TRIP12: variants seen among roughly 807,000 people sequenced by gnomAD.
The protein encoded by TRIP12 is E3 ubiquitin-protein ligase TRIP12.
TRIP12 carries 25 observed loss-of-function variants against 244.2 expected under a neutral mutation model. That is an observed-to-expected ratio of 0.10 (90% CI 0.07 to 0.14). The LOEUF is 0.14. TRIP12 is among the 10% of genes least tolerant of loss of function. The pLI, the probability that TRIP12 is intolerant of heterozygous loss-of-function variation, is 1.00. For missense variants in TRIP12, 1,677 were observed against 2,486.4 expected (o/e 0.67, Z 6.92); for synonymous variants, 905 against 873.1 (o/e 1.04, Z -0.64).
intron 2 of TRIP12, among the ~76,000 whole-genome samples, chr2:229,864,001 TGAAAGAGA>T (rs58030468): frequency 0.04 from 4,535 of 113,030 alleles, 92 homozygotes; most frequent in East Asian, 0.068. Flanking sequence ...AAGATTTGGG[TGAAAGAGA>T]GAGAGAGAGA....
intron 4 of TRIP12, among the ~76,000 whole-genome samples, chr2:229,854,333 T>C (rs1021936599): frequency 2.6e-5 from 4 of 152,250 alleles, no homozygotes; most frequent in East Asian, 1.9e-4. Context: ...CCAAATCTAA[T>C]AGCTACCTTA....
rs2060036668 is a variant in TRIP12 at position 229,858,786 on chromosome 2, T to C, written c.1013A>G (p.Gln338Arg). Reference sequence around the variant, plus strand: ...TGTAAACTTACTTGCTAATTTGGCCTGTAATCCAGAAGGTCCAGGTTTTGA... The same window carrying C: ...TGTAAACTTACTTGCTAATTTGGCCCGTAATCCAGAAGGTCCAGGTTTTGA... Reference protein sequence around the residue: ...ETSKPGPSGLQAKLASLRKST... With the variant: ...ETSKPGPSGLRAKLASLRKST... The change falls in exon 4 of 42, where the codon CAG becomes CGG. Residue 338 changes from glutamine to arginine, a missense_variant. Transcript: ENST00000675903. The C allele has an allele frequency of 4.4e-6, 7 of 1,575,684 alleles. No individual in the cohort carries two copies. The Admixed American group carries it at 7.4e-5, about 17-fold the overall frequency.
intron 1 of TRIP12, among the ~76,000 whole-genome samples, chr2:229,900,318 C>A (rs937476592): frequency 1.3e-5 from 2 of 152,174 alleles, no homozygotes; most frequent in African/African-American, 4.8e-5. Flanking sequence ...TCCTATCTAA[C>A]CTGCTTGAAG....
chr2:229,915,939 C>T (rs1380552263), intron 1 of TRIP12, among the ~76,000 whole-genome samples: 2 of 152,208 alleles, frequency 1.3e-5, no homozygotes, highest in Non-Finnish European at 2.9e-5. Flanking sequence ...AAGTGATCCT[C>T]CTGCCTCAGC....
intron 39 of TRIP12, among the ~76,000 whole-genome samples, chr2:229,770,726 C>T (rs529790778): frequency 2.0e-4 from 30 of 152,248 alleles, no homozygotes; most frequent in Admixed American, 7.8e-4. Flanking sequence ...TGGGAATGAC[C>T]TGGTGGGAGG....
In TRIP12 at chr2:229,794,534, T is replaced by G. The variant is rs183478787; in HGVS notation, c.3968+645A>C. 2.6e-5 allele frequency among the ~76,000 whole-genome samples: 4 copies of G among 151,996 alleles called. No individual in the cohort carries two copies. In the South Asian group the frequency reaches 8.3e-4, roughly 32 times the overall value. On this transcript the variant is annotated intron_variant, in intron 26 of 41. Coordinates refer to ENST00000675903, the MANE Select transcript of TRIP12 (RefSeq NM_001348323.3). Reference sequence around the variant, plus strand: ...TGAGCCATGTTCACACTAGTGTAATTTGGCTTGGGCAACAAAGTAAGACTC... The same window carrying G: ...TGAGCCATGTTCACACTAGTGTAATGTGGCTTGGGCAACAAAGTAAGACTC...
intron 34 of TRIP12, among the ~76,000 whole-genome samples, chr2:229,784,882 A>G (rs755132416): frequency 3.3e-5 from 5 of 152,252 alleles, no homozygotes; most frequent in African/African-American, 7.2e-5. Flanking sequence ...AAATAAAAAC[A>G]TATCTCTATC....
chr2:229,805,620 G>A, intron 18 of TRIP12, 110 bp downstream of exon 18: 1 of 1,097,292 alleles, frequency 9.1e-7, no homozygotes, highest in Non-Finnish European at 1.2e-6. Flanking sequence ...TTATTGTTAT[G>A]CAATTGTCTT....
At chr2:229,781,276 G>T (rs776615814) in intron 34 of TRIP12, among the ~76,000 whole-genome samples, 4 of 152,106 alleles carry the variant, frequency 2.6e-5, no homozygotes, top group Non-Finnish European at 5.9e-5. Flanking sequence ...TTAAAGGAAA[G>T]GAAAGCATAA....
intron 39 of TRIP12, among the ~76,000 whole-genome samples, chr2:229,771,050 G>T (rs549824631): frequency 6.6e-6 from 1 of 152,202 alleles, no homozygotes; most frequent in Non-Finnish European, 1.5e-5. Context: ...TCCATTCTCA[G>T]AAGTATTCTC....
At position 229,765,355 on chromosome 2, in the gene TRIP12, T is replaced by C. The variant is rs1477552784; in HGVS notation, c.*2199A>G. ...AAATGAAGTATATACTTTTTCCCTC[T>C]GGTGCAATAAGGCCTCTGCCAAGAG... On this transcript the variant is annotated 3_prime_UTR_variant, in exon 42 of 42. Transcript: ENST00000675903. 2.0e-5 allele frequency: 3 copies of C among 152,206 alleles called. No individual in the cohort carries two copies. The highest frequency in any genetic ancestry group is 7.2e-5 in the African/African-American group (3 of 41,460). 9.4% of individuals were successfully genotyped at this position (152,206 alleles called of 1,614,324 possible).
At position 229,808,348 on chromosome 2, in the gene TRIP12, A is replaced by G; in HGVS notation, c.2243T>C (p.Phe748Ser). Residue 748 changes from phenylalanine to serine, a missense_variant, in exon 16 of 42, where the codon TTT (phenylalanine) becomes TCT (serine). Physicochemically the swap from Phe to Ser is radical, Grantham distance 155. Transcript: ENST00000675903. ...MKQNIAETLH[F>S]LLCGASNGSC... ...TCCATTGGAGGCACCACACAGGAGA[A>G]AGTGAAGCGTTTCTGCAATGTCTGT... 1 of 1,613,064 alleles carries G rather than the reference A, an allele frequency of 6.2e-7. No homozygotes were observed. Among genetic ancestry groups the G allele is most frequent in the Non-Finnish European group, 8.5e-7 (1 of 1,179,918 alleles).
intron 23 of TRIP12, 83 bp downstream of exon 23, chr2:229,798,792 A>T: frequency 1.4e-6 from 2 of 1,457,574 alleles, no homozygotes; most frequent in Non-Finnish European, 1.9e-6. Context: ...TATCGTCTCC[A>T]CACAATAAAC....
chr2:229,824,991 A>G (rs1446867975), intron 8 of TRIP12, among the ~76,000 whole-genome samples: 1 of 152,238 alleles, frequency 6.6e-6, no homozygotes, highest in African/African-American at 2.4e-5. Flanking sequence ...GAAGTAAATG[A>G]AACAATCCAA....
At chr2:229,861,206 A>T (rs1028654286) in intron 2 of TRIP12, among the ~76,000 whole-genome samples, 1 of 152,236 alleles carries the variant, frequency 6.6e-6, no homozygotes, top group Non-Finnish European at 1.5e-5. Flanking sequence ...ACATTCAAAT[A>T]ATTCCATGAT....
chr2:229,854,347 T>C (rs1228548582), intron 4 of TRIP12, among the ~76,000 whole-genome samples: 3 of 152,216 alleles, frequency 2.0e-5, no homozygotes, highest in Non-Finnish European at 4.4e-5. Context: ...TACCTTAAAA[T>C]TGACCAATGG....
At position 229,802,397 on chromosome 2, in the gene TRIP12, C is replaced by T. The variant is rs370952872; in HGVS notation, c.3061G>A (p.Ala1021Thr). 1 of 1,613,842 alleles carries T rather than the reference C, an allele frequency of 6.2e-7. No homozygotes were observed. The highest frequency in any genetic ancestry group is 1.3e-5 in the African/African-American group (1 of 74,920). Reference protein sequence around the residue: ...SESLLTSPPKACTNGSGSMGS... With the variant: ...SESLLTSPPKTCTNGSGSMGS... ...ATGGATCCCGATCCATTCGTACATG[C>T]CTTTGGTGGACTTGTCAACAAAGAC... The change falls in exon 21 of 42, where the codon GCA (alanine) becomes ACA (threonine). Residue 1021 changes from alanine to threonine, a missense_variant. Coordinates refer to ENST00000675903, the MANE Select transcript of TRIP12 (RefSeq NM_001348323.3).
chr2:229,793,589 C>G (rs1274796344), intron 26 of TRIP12, among the ~76,000 whole-genome samples: 1 of 152,068 alleles, frequency 6.6e-6, no homozygotes, highest in Non-Finnish European at 1.5e-5. Context: ...ACATTAAAAA[C>G]TAACCTTTAA....
At chr2:229,886,751 G>A (rs189673654) in intron 1 of TRIP12, among the ~76,000 whole-genome samples, 53 of 152,286 alleles carry the variant, frequency 3.5e-4, no homozygotes, top group African/African-American at 1.1e-3. Context: ...ACAGGCATGA[G>A]CCACTGTGCC....
Sources: gnomAD v4.1 joint callset for allele counts (sites outside exome capture counted in the v4.1 genomes callset) on GRCh38, gnomAD v4.1.1 for gene constraint, MANE v1.5 for transcripts, NCBI Gene and HGNC (gene_info 2026-07-23, HGNC 2026-07-21) for gene names.